Variants in FRMD4A observed in about 807,000 individuals in gnomAD.
FRMD4A encodes the protein FERM domain-containing protein 4A.
Under a neutral mutation model 129.1 loss-of-function variants are expected in FRMD4A, and 29 were observed. That is an observed-to-expected ratio of 0.22 (90% confidence interval 0.17 to 0.31). FRMD4A has a LOEUF of 0.31. FRMD4A is among the 10% of genes least tolerant of loss of function. The pLI is 1.00. For missense variants in FRMD4A, 1,272 were observed against 1,375.8 expected, an observed-to-expected ratio of 0.92 and a Z score of 1.19; for synonymous variants, 634 against 571.6, an observed-to-expected ratio of 1.11 and a Z score of -1.56.
rs570403980 is a variant in FRMD4A at position 13,991,232 on chromosome 10, A to G, written c.46-132320T>C. Among the ~76,000 whole-genome samples the G allele has an allele frequency of 5.3e-5, 8 of 152,354 alleles. 1 individual carries two copies. Among genetic ancestry groups the G allele is most frequent in the African/African-American group, 1.7e-4 (7 of 41,594 alleles). On this transcript the variant is annotated intron_variant, in intron 2 of 24. Transcript: ENST00000357447. ...AGAAAGGAAAAGAAAAAAGAAGCGTAGAGTGAAAAGGACAAAAAGGAGGCT... is the reference window on the plus strand; with the variant it reads ...AGAAAGGAAAAGAAAAAAGAAGCGTGGAGTGAAAAGGACAAAAAGGAGGCT...
intron 2 of FRMD4A, among the ~76,000 whole-genome samples, chr10:14,141,113 T>C (rs1477259694): frequency 1.3e-5 from 2 of 152,006 alleles, no homozygotes; most frequent in Admixed American, 6.5e-5. Flanking sequence ...AGATGGAGAA[T>C]GGACAAGTTC....
chr10:13,881,523 A>C (rs916796367), intron 2 of FRMD4A, among the ~76,000 whole-genome samples: 1 of 152,166 alleles, frequency 6.6e-6, no homozygotes, highest in Non-Finnish European at 1.5e-5. Context: ...CCTAGCAGAG[A>C]GAAGAGCTGA....
chr10:14,293,289 C>G (rs559316027), intron 2 of FRMD4A, among the ~76,000 whole-genome samples: 1 of 152,104 alleles, frequency 6.6e-6, no homozygotes, highest in African/African-American at 2.4e-5. Context: ...CACTCTCTTG[C>G]CCTTCCACCT....
At chr10:14,118,969 T>C (rs1014930557) in intron 2 of FRMD4A, among the ~76,000 whole-genome samples, 1 of 152,212 alleles carries the variant, frequency 6.6e-6, no homozygotes. Flanking sequence ...ATCTCCTTCC[T>C]GCACAGCCAG....
At position 13,747,961 on chromosome 10, in the gene FRMD4A, C is replaced by G. The variant is rs559314119; in HGVS notation, c.465-142G>C. ...AAAAGCAGTGGGGGGAAGGGGCGCT[C>G]TCTTTTTATTTCCGAAATACAGATG... On this transcript the variant is annotated intron_variant, in intron 8 of 24. Coordinates refer to ENST00000357447, the MANE Select transcript of FRMD4A (RefSeq NM_018027.5). The G allele has an allele frequency of 6.3e-6, 4 of 639,032 alleles. No individual in the cohort carries two copies. In the South Asian group the frequency reaches 7.2e-5, roughly 12 times the overall value. The allele number at this position is 639,032 out of a possible 1,614,324, so 39.6% of individuals were successfully genotyped here.
In FRMD4A at chr10:13,836,835, G is replaced by A. The variant is rs563439179; in HGVS notation, c.111+22012C>T. 1.8e-4 allele frequency among the ~76,000 whole-genome samples: 26 copies of A among 144,216 alleles called. No homozygotes were observed. In the South Asian group the frequency reaches 5.4e-3, roughly 30 times the overall value. The allele number at this position is 144,216 out of a possible 152,430, so 94.6% of individuals were successfully genotyped here. On this transcript the variant is annotated intron_variant, in intron 3 of 24. Coordinates refer to ENST00000357447, the MANE Select transcript of FRMD4A (RefSeq NM_018027.5). ...TGCAGTGGCACGATCTGGGCTCACT[G>A]CAAGCTCTGCCTCCTGGGTTCACGC...
chr10:14,159,922 C>T (rs1040184322), intron 2 of FRMD4A, among the ~76,000 whole-genome samples: 1 of 151,940 alleles, frequency 6.6e-6, no homozygotes. Context: ...TGGTGGTGGG[C>T]GCCTGTAATC....
chr10:13,777,789 CA>C (rs2092631732), intron 6 of FRMD4A, among the ~76,000 whole-genome samples: 1 of 127,284 alleles, frequency 7.9e-6, no homozygotes, highest in African/African-American at 2.8e-5. Context: ...GGCTTTGGGT[CA>C]ATTTTTTTTT....
At position 13,647,968 on chromosome 10, in the gene FRMD4A, A is replaced by C. The variant is rs372576512; in HGVS notation, c.*3-933T>G. ...GGGATGGGTGACAGGAAGGGACCCTAACCCAAAGTAGTTCAGAGCGGGTGA... is the reference window on the plus strand; with the variant it reads ...GGGATGGGTGACAGGAAGGGACCCTCACCCAAAGTAGTTCAGAGCGGGTGA... On this transcript the variant is annotated intron_variant, in intron 24 of 24. Coordinates refer to ENST00000357447, the MANE Select transcript of FRMD4A (RefSeq NM_018027.5). 6 of 152,210 alleles carry C rather than the reference A, an allele frequency of 3.9e-5. No individual in the cohort carries two copies. In the East Asian group the frequency reaches 9.7e-4, roughly 25 times the overall value. The allele number at this position is 152,210 out of a possible 1,614,324, so 9.4% of individuals were successfully genotyped here. A position where few individuals can be genotyped will look rare whatever the true frequency, so the allele number is the denominator to read the frequency against.
At chr10:14,278,897 T>C (rs1845427112) in intron 2 of FRMD4A, among the ~76,000 whole-genome samples, 1 of 152,240 alleles carries the variant, frequency 6.6e-6, no homozygotes, top group Admixed American at 6.5e-5. Flanking sequence ...GGAAGAAATG[T>C]ATGGATTTCT....
intron 5 of FRMD4A, among the ~76,000 whole-genome samples, chr10:13,787,346 A>C (rs1245990754): frequency 1.3e-5 from 2 of 152,198 alleles, no homozygotes; most frequent in Non-Finnish European, 2.9e-5. Context: ...AACAGAGCTC[A>C]GACCTCTCCA....
chr10:14,029,447 G>C (rs910054291), intron 2 of FRMD4A, among the ~76,000 whole-genome samples: 1 of 152,142 alleles, frequency 6.6e-6, no homozygotes, highest in Non-Finnish European at 1.5e-5. Context: ...GCCTCAACTA[G>C]ATTAATTCAG....
At chr10:13,984,203 A>T (rs2095573024) in intron 2 of FRMD4A, among the ~76,000 whole-genome samples, 1 of 152,162 alleles carries the variant, frequency 6.6e-6, no homozygotes, top group Admixed American at 6.5e-5. Context: ...AAACCAGAGC[A>T]GCCCACATGG....
intron 14 of FRMD4A, among the ~76,000 whole-genome samples, chr10:13,698,064 A>C (rs2086400331): frequency 7.0e-6 from 1 of 143,074 alleles, no homozygotes; most frequent in Non-Finnish European, 1.5e-5. Flanking sequence ...TGGTTTCTTG[A>C]TGTATATGCA....
At chr10:14,190,707 A>T (rs1842290458) in intron 2 of FRMD4A, among the ~76,000 whole-genome samples, 1 of 152,198 alleles carries the variant, frequency 6.6e-6, no homozygotes, top group South Asian at 2.1e-4. Flanking sequence ...TTGAGAAAAG[A>T]AAAGCTTTAT....
At chr10:14,113,778 G>A (rs549770053) in intron 2 of FRMD4A, among the ~76,000 whole-genome samples, 88 of 152,090 alleles carry the variant, frequency 5.8e-4, no homozygotes, top group African/African-American at 2.0e-3. Flanking sequence ...GTGTGCGCGC[G>A]CGTGTGTGCG....
At chr10:13,938,231 G>GT in intron 2 of FRMD4A, among the ~76,000 whole-genome samples, 1 of 138,244 alleles carries the variant, frequency 7.2e-6, no homozygotes, top group Non-Finnish European at 1.6e-5. Context: ...TTTTGTTGTT[G>GT]CTGTTTGTTT....
chr10:14,114,900 G>T (rs1487213284), intron 2 of FRMD4A, among the ~76,000 whole-genome samples: 1 of 152,200 alleles, frequency 6.6e-6, no homozygotes, highest in African/African-American at 2.4e-5. Context: ...CCGGCCCTCT[G>T]CATACTGAAT....
At chr10:13,962,210 T>C (rs1000698490) in intron 2 of FRMD4A, among the ~76,000 whole-genome samples, 24 of 152,238 alleles carry the variant, frequency 1.6e-4, no homozygotes, top group African/African-American at 5.8e-4. Flanking sequence ...TAGCTGATCA[T>C]TGCCCCAGAA....
Sources: allele counts gnomAD v4.1 joint callset (sites outside exome capture counted in the v4.1 genomes callset), GRCh38; gene constraint gnomAD v4.1.1; transcripts MANE v1.5; gene names NCBI Gene and HGNC (gene_info 2026-07-23, HGNC 2026-07-21).